Variants in METTL6 observed in about 807,000 individuals in gnomAD.
METTL6 encodes methyltransferase 6, tRNA N3-cytidine, also known as tRNA N(3)-cytidine methyltransferase METTL6.
In METTL6, 22 loss-of-function variants were observed where a neutral mutation model predicts 26.4. The ratio of observed to expected loss-of-function variants is 0.83; its 90% CI spans 0.59 to 1.19. The LOEUF is 1.19. Among genes scored for constraint, METTL6 ranks in the 50% most tolerant of loss-of-function variants. The probability of loss-of-function intolerance (pLI) is 0.00; values close to 1 mark genes in which losing one functional copy is unlikely to be tolerated. For synonymous variants in METTL6, 109 were observed against 116.2 expected (o/e 0.94, Z 0.40); for missense variants, 304 against 324.8 (o/e 0.94, Z 0.49).
At position 15,417,548 on chromosome 3, in the gene METTL6, C is replaced by T. The variant is rs147570550; in HGVS notation, c.361-1606G>A. 9.6e-3 allele frequency among the ~76,000 whole-genome samples: 1,451 copies of T among 151,356 alleles called. 17 individuals are homozygous for T. Among genetic ancestry groups the T allele is most frequent in the African/African-American group, 0.013 (521 of 41,282 alleles). The stretch of plus-strand genomic sequence containing the variant: ...CTGGATATCAAAATATATTACAAAA[C>T]GTAGTAATAAAACAACATGGTTTGA... On this transcript the variant is annotated intron_variant, in intron 3 of 5. Transcript: ENST00000383790.
chr3:15,402,844 T>C (rs992585844), intron 6 of METTL6, among the ~76,000 whole-genome samples: 4 of 151,418 alleles, frequency 2.6e-5, no homozygotes, highest in East Asian at 3.9e-4. Flanking sequence ...GCAGGAGTAA[T>C]TGGGGAATTG....
At chr3:15,390,784 G>C (rs1268964691) in intron 6 of METTL6, among the ~76,000 whole-genome samples, 2 of 152,208 alleles carry the variant, frequency 1.3e-5, no homozygotes, top group Non-Finnish European at 2.9e-5. Context: ...TCAACACCCA[G>C]GTTCTTGTCC....
chr3:15,390,263 A>G (rs1048660692), intron 6 of METTL6, among the ~76,000 whole-genome samples: 1 of 151,926 alleles, frequency 6.6e-6, no homozygotes, highest in Non-Finnish European at 1.5e-5. Flanking sequence ...CCCCATCTCT[A>G]CTAAAAATAC....
chr3:15,406,575 A>AC (rs1177363119), downstream of METTL6, among the ~76,000 whole-genome samples: 25 of 137,382 alleles, frequency 1.8e-4, no homozygotes, highest in African/African-American at 5.7e-4. Context: ...TGAAAAAAAA[A>AC]AAACAAACAG....
intron 6 of METTL6, among the ~76,000 whole-genome samples, chr3:15,399,816 C>T (rs1166097270): frequency 6.6e-6 from 1 of 151,874 alleles, no homozygotes; most frequent in Non-Finnish European, 1.5e-5. Context: ...GAACACCACC[C>T]CAAAATATGA....
At chr3:15,385,870 T>TA (rs968257705) in intron 6 of METTL6, among the ~76,000 whole-genome samples, 5 of 152,056 alleles carry the variant, frequency 3.3e-5, no homozygotes, top group Admixed American at 1.3e-4. Flanking sequence ...GGTGAACCAA[T>TA]AAAAAAGAGC....
At chr3:15,404,205 T>C (rs74505630) in intron 6 of METTL6, among the ~76,000 whole-genome samples, 1,910 of 152,082 alleles carry the variant, frequency 0.013, 113 homozygotes, top group East Asian at 0.088. Context: ...ACACCCACTA[T>C]CCCTTCACCC....
chr3:15,396,472 A>C (rs142344081), intron 6 of METTL6, among the ~76,000 whole-genome samples: 3,234 of 152,214 alleles, frequency 0.021, 99 homozygotes, highest in African/African-American at 0.072. Flanking sequence ...GATTGTCTGA[A>C]GCCTTCTTCT....
At chr3:15,415,047 C>A (rs1200927761) in intron 4 of METTL6, 4 of 876,206 alleles carry the variant, frequency 4.6e-6, no homozygotes, top group Non-Finnish European at 5.8e-6. Flanking sequence ...CTTAAAAAAA[C>A]AAACAAACAA....
intron 3 of METTL6, among the ~76,000 whole-genome samples, chr3:15,417,086 C>T (rs189242197): frequency 1.3e-3 from 204 of 152,256 alleles, no homozygotes; most frequent in African/African-American, 4.0e-3. Flanking sequence ...GTGAAAGGAT[C>T]GCTTGAGTTC....
chr3:15,422,389 G>C (rs1010470830), intron 3 of METTL6, among the ~76,000 whole-genome samples: 1 of 152,118 alleles, frequency 6.6e-6, no homozygotes, highest in African/African-American at 2.4e-5. Context: ...AGCACTTTGG[G>C]AGGCCAAGGC....
intron 6 of METTL6, among the ~76,000 whole-genome samples, chr3:15,394,139 G>A (rs931622507): frequency 6.6e-6 from 1 of 152,068 alleles, no homozygotes; most frequent in East Asian, 1.9e-4. Context: ...GACTTTTTTT[G>A]GTTGGTAAGC....
intron 6 of METTL6, among the ~76,000 whole-genome samples, chr3:15,396,134 A>G (rs1448379551): frequency 1.3e-5 from 2 of 152,196 alleles, no homozygotes; most frequent in African/African-American, 4.8e-5. Flanking sequence ...AGGTACACCA[A>G]TCAAACGTAG....
chr3:15,424,291 C>A (rs2061673008), intron 3 of METTL6, among the ~76,000 whole-genome samples: 1 of 152,190 alleles, frequency 6.6e-6, no homozygotes, highest in Non-Finnish European at 1.5e-5. Context: ...TATTTAAAGA[C>A]AGTCTTGCTC....
Position 15,426,581 on chromosome 3 carries a change from A to G in METTL6, c.-70T>C, listed in dbSNP as rs943821512. The G allele has an allele frequency of 2.2e-6, 3 of 1,364,856 alleles. No homozygotes were observed. The Admixed American group carries it at 5.5e-5, about 25-fold the overall frequency. The allele number at this position is 1,364,856 out of a possible 1,614,324, so 84.5% of individuals were successfully genotyped here. ...TCACCAAATAATATGAATCCACGCT[A>G]ATGGATCAGATACATTTCCTGAGGT... On this transcript the variant is annotated 5_prime_UTR_variant, in exon 2 of 6. An upstream open reading frame in the 5' UTR loses its in-frame stop. Coordinates refer to ENST00000383790, the MANE Select transcript of METTL6 (RefSeq NM_152396.4).
intron 6 of METTL6, among the ~76,000 whole-genome samples, chr3:15,403,244 G>A (rs1331446524): frequency 6.6e-6 from 1 of 152,070 alleles, no homozygotes; most frequent in Non-Finnish European, 1.5e-5. Flanking sequence ...CCAAAGTGCT[G>A]GGATTATAGG....
In METTL6 at chr3:15,410,045, G is replaced by A. The variant is rs1289170180; in HGVS notation, c.*1211C>T. On this transcript the variant is annotated 3_prime_UTR_variant, in exon 6 of 6. Transcript: ENST00000383790. ...CTACAGGGTCCTTAGGCTTTTCTTTGTGGAATTTTACAGTGAACAATATGG... is the reference window on the plus strand; with the variant it reads ...CTACAGGGTCCTTAGGCTTTTCTTTATGGAATTTTACAGTGAACAATATGG... Among the ~76,000 whole-genome samples the A allele has an allele frequency of 6.6e-6, 1 of 151,996 alleles. No homozygotes were observed. The highest frequency in any genetic ancestry group is 1.5e-5 in the Non-Finnish European group (1 of 68,000).
chr3:15,417,826 T>C (rs1002334795), intron 3 of METTL6, among the ~76,000 whole-genome samples: 2 of 152,130 alleles, frequency 1.3e-5, no homozygotes, highest in Non-Finnish European at 2.9e-5. Flanking sequence ...ACGGTACCAG[T>C]TCAAATTTGG....
intron 3 of METTL6, among the ~76,000 whole-genome samples, chr3:15,423,606 C>T (rs55821709): frequency 6.6e-6 from 1 of 152,136 alleles, no homozygotes; most frequent in African/African-American, 2.4e-5. Context: ...GCTGCCATGG[C>T]TCACGCCTGT....
Sources: gnomAD v4.1 joint callset for allele counts (sites outside exome capture counted in the v4.1 genomes callset) on GRCh38, gnomAD v4.1.1 for gene constraint, MANE v1.5 for transcripts, NCBI Gene and HGNC (gene_info 2026-07-23, HGNC 2026-07-21) for gene names.